XYLT1: variants seen among roughly 807,000 people sequenced by gnomAD.
XYLT1 encodes xylosyltransferase 1.
XYLT1 carries 36 observed loss-of-function variants against 91.3 expected under a neutral mutation model. The observed-to-expected ratio is 0.39, with a 90% CI of 0.30 to 0.52. The LOEUF (loss-of-function observed/expected upper bound fraction) is 0.52, where lower values mean the gene tolerates loss of function less well. XYLT1 is among the 20% of genes least tolerant of loss of function. XYLT1 has a pLI of 0.68. For missense variants in XYLT1, 1,242 were observed against 1,284.5 expected (o/e 0.97, Z 0.51); for synonymous variants, 588 against 532.0 (o/e 1.11, Z -1.45).
chr16:17,204,163 GAT>G (rs1309381620), intron 3 of XYLT1, among the ~76,000 whole-genome samples: 1 of 152,194 alleles, frequency 6.6e-6, no homozygotes, highest in Non-Finnish European at 1.5e-5. Context: ...GGAGATTTGC[GAT>G]ATAGAGGATA....
chr16:17,233,081 G>A (rs758363453), intron 3 of XYLT1, among the ~76,000 whole-genome samples: 23 of 152,070 alleles, frequency 1.5e-4, no homozygotes, highest in Non-Finnish European at 3.1e-4. Flanking sequence ...AAGAGGGGCC[G>A]TTTAATAAAT....
At chr16:17,253,863 C>T (rs868801774) in intron 3 of XYLT1, among the ~76,000 whole-genome samples, 1 of 128,854 alleles carries the variant, frequency 7.8e-6, no homozygotes, top group African/African-American at 3.1e-5. Flanking sequence ...AGAGAGAGAG[C>T]GAGCCTGCAG....
rs71137969 is a variant in XYLT1, at chr16:17,115,800, T to TAAAAAAA, written c.2557+1839_2557+1845dup. On this transcript the variant is annotated intron_variant, in intron 11 of 11. Coordinates refer to ENST00000261381, the MANE Select transcript of XYLT1 (RefSeq NM_022166.4). ...GGCACCCAGCCAACCTCTGTTATATTAAAAAAAAAAAAAAAAAAAAAAAAA... is the reference window on the plus strand; with the variant it reads ...GGCACCCAGCCAACCTCTGTTATATTAAAAAAAAAAAAAAAAAAAAAAAAAAAAAAAA... Among the ~76,000 whole-genome samples, 157 of 50,318 alleles carry TAAAAAAA rather than the reference T, an allele frequency of 3.1e-3. 20 individuals carry two copies. Among genetic ancestry groups the TAAAAAAA allele is most frequent in the East Asian group, 8.9e-3 (14 of 1,570 alleles). 33.0% of individuals were successfully genotyped at this position (50,318 alleles called of 152,430 possible).
chr16:17,109,047 C>T (rs1037647981), intron 11 of XYLT1, 30 bp from the exon 12 acceptor site: 6 of 1,489,372 alleles, frequency 4.0e-6, no homozygotes, highest in Non-Finnish European at 5.4e-6. Flanking sequence ...ATTTCAGGAT[C>T]AGAAGAGCCA....
intron 2 of XYLT1, among the ~76,000 whole-genome samples, chr16:17,305,716 G>A (rs1165309758): frequency 6.6e-6 from 1 of 152,074 alleles, no homozygotes; most frequent in African/African-American, 2.4e-5. Context: ...TTTCTTAACA[G>A]CATTAAACAG....
intron 3 of XYLT1, among the ~76,000 whole-genome samples, chr16:17,204,932 T>C (rs2032612710): frequency 6.8e-6 from 1 of 146,450 alleles, no homozygotes; most frequent in Admixed American, 6.8e-5. Context: ...CACGGAACTC[T>C]TTGAAAGACC....
intron 5 of XYLT1, chr16:17,197,957 T>A (rs570452899): frequency 1.1e-5 from 6 of 549,410 alleles, no homozygotes; most frequent in Admixed American, 3.2e-5. Flanking sequence ...TCCACGCGGG[T>A]TGGAGTTTCC....
chr16:17,213,951 T>A (rs1241697061), intron 3 of XYLT1, among the ~76,000 whole-genome samples: 1 of 152,120 alleles, frequency 6.6e-6, no homozygotes, highest in South Asian at 2.1e-4. Flanking sequence ...TCAGCACAGA[T>A]CAATATTTCA....
chr16:17,239,794 G>C (rs1398383352), intron 3 of XYLT1, among the ~76,000 whole-genome samples: 1 of 151,506 alleles, frequency 6.6e-6, no homozygotes, highest in Non-Finnish European at 1.5e-5. Flanking sequence ...CACTCGCTCA[G>C]CCAGTCCATT....
chr16:17,414,948 G>A (rs2036161545), intron 1 of XYLT1, among the ~76,000 whole-genome samples: 1 of 152,122 alleles, frequency 6.6e-6, no homozygotes. Flanking sequence ...CCTTCTCCAA[G>A]GGAATCAGAA....
chr16:17,255,006 T>TC (rs1426899190), intron 3 of XYLT1, among the ~76,000 whole-genome samples: 75 of 147,660 alleles, frequency 5.1e-4, no homozygotes, highest in African/African-American at 1.7e-3. Flanking sequence ...CTTTTTTTTT[T>TC]TTTTTTTTGA....
At chr16:17,274,421 C>T (rs2033940994) in intron 2 of XYLT1, among the ~76,000 whole-genome samples, 1 of 151,966 alleles carries the variant, frequency 6.6e-6, no homozygotes, top group Admixed American at 6.6e-5. Context: ...TTATTCATTC[C>T]ACATATGTTA....
chr16:17,316,401 T>C (rs539611573), intron 2 of XYLT1, among the ~76,000 whole-genome samples: 72 of 152,130 alleles, frequency 4.7e-4, no homozygotes, highest in African/African-American at 1.6e-3. Context: ...TTTTATTTAT[T>C]TATTTATTTA....
intron 1 of XYLT1, among the ~76,000 whole-genome samples, chr16:17,368,195 C>G (rs920852700): frequency 6.6e-6 from 1 of 152,136 alleles, no homozygotes; most frequent in African/African-American, 2.4e-5. Flanking sequence ...CAGTCCCAGG[C>G]TACAGCTCGG....
At chr16:17,335,236 A>G (rs572589179) in intron 2 of XYLT1, among the ~76,000 whole-genome samples, 101 of 149,548 alleles carry the variant, frequency 6.8e-4, no homozygotes, top group African/African-American at 2.4e-3. Flanking sequence ...CAAAAAAACA[A>G]TAACAAACAA....
At chr16:17,147,193 C>T (rs1347681682) in intron 6 of XYLT1, among the ~76,000 whole-genome samples, 1 of 152,180 alleles carries the variant, frequency 6.6e-6, no homozygotes, top group Non-Finnish European at 1.5e-5. Context: ...ACTGGGTCAT[C>T]AAAGGAAGCC....
At chr16:17,203,951 G>A (rs959318106) in intron 3 of XYLT1, among the ~76,000 whole-genome samples, 5 of 152,228 alleles carry the variant, frequency 3.3e-5, no homozygotes, top group Non-Finnish European at 7.3e-5. Flanking sequence ...CTCTGATCCA[G>A]AGGAGCTGGT....
rs188944914 is a variant in XYLT1, at chr16:17,470,152, A to T, written c.363+282T>A. 2.0e-3 allele frequency among the ~76,000 whole-genome samples: 302 copies of T among 152,164 alleles called. 4 individuals are homozygous for T. Among genetic ancestry groups the T allele is most frequent in the African/African-American group, 6.9e-3 (288 of 41,518 alleles). On this transcript the variant is annotated intron_variant, in intron 1 of 11. Coordinates refer to ENST00000261381, the MANE Select transcript of XYLT1 (RefSeq NM_022166.4). The stretch of plus-strand genomic sequence containing the variant: ...GGGGTCCCCAGCAAGAGTGATGGGG[A>T]ACAGGAACCCAGCCAGGCTCCGGTA...
intron 1 of XYLT1, among the ~76,000 whole-genome samples, chr16:17,436,480 G>A (rs1242827644): frequency 2.0e-5 from 3 of 152,212 alleles, no homozygotes; most frequent in Non-Finnish European, 2.9e-5. Flanking sequence ...TAGTAGGGGC[G>A]TGGATGGCAC....
Sources: allele counts gnomAD v4.1 joint callset (sites outside exome capture counted in the v4.1 genomes callset), GRCh38; gene constraint gnomAD v4.1.1; transcripts MANE v1.5; gene names NCBI Gene and HGNC (gene_info 2026-07-23, HGNC 2026-07-21).